Variants in MINK1 observed in about 807,000 individuals in gnomAD.
MINK1 encodes misshapen-like kinase 1.
A neutral mutation model predicts 178.4 loss-of-function variants in MINK1; 46 were observed. The observed-to-expected ratio is 0.26, with a 90% CI of 0.20 to 0.33. The LOEUF is 0.33. Among genes scored for constraint, MINK1 ranks in the 10% least tolerant of loss-of-function variants. The probability of loss-of-function intolerance (pLI) is 1.00; values close to 1 mark genes in which losing one functional copy is unlikely to be tolerated. For synonymous variants in MINK1, 797 were observed against 709.7 expected, an observed-to-expected ratio of 1.12 and a Z score of -1.96; for missense variants, 1,366 against 1,814.9, an observed-to-expected ratio of 0.75 and a Z score of 4.49.
At chr17:4,865,513 C>G (rs1256289679) in intron 1 of MINK1, among the ~76,000 whole-genome samples, 1 of 151,826 alleles carries the variant, frequency 6.6e-6, no homozygotes. Flanking sequence ...TTTTCTTCCC[C>G]TTTTTCTCAT....
chr17:4,894,376 TGCTGGGTAACGGCAGAGGATGGG>T lies in MINK1; in HGVS notation c.2808+68_2808+90del. The T allele has an allele frequency of 6.4e-7, 1 of 1,572,090 alleles. No individual in the cohort carries two copies. Among genetic ancestry groups the T allele is most frequent in the Non-Finnish European group, 8.6e-7 (1 of 1,159,734 alleles). On this transcript the variant is annotated intron_variant, in intron 23 of 31. Transcript: ENST00000355280. This position sits in a 1 kb window ranked among gnomAD's most constrained non-coding sequence, Gnocchi z 4.1. Reference sequence around the variant, plus strand: ...CCTGGCGATGGGCAGGAGGTCCCGGTGCTGGGTAACGGCAGAGGATGGGGCGGAGCGCTGGGAGCTGGACAGCG... The same window carrying T: ...CCTGGCGATGGGCAGGAGGTCCCGGTGCGGAGCGCTGGGAGCTGGACAGCG...
intron 1 of MINK1, among the ~76,000 whole-genome samples, chr17:4,844,419 T>A (rs917790155): frequency 3.3e-5 from 5 of 152,126 alleles, no homozygotes; most frequent in Non-Finnish European, 7.3e-5. Flanking sequence ...TTGGAGACTT[T>A]TGGAATATGG....
At chr17:4,863,160 A>T (rs11658765) in intron 1 of MINK1, among the ~76,000 whole-genome samples, 1 of 152,096 alleles carries the variant, frequency 6.6e-6, no homozygotes, top group African/African-American at 2.4e-5. Flanking sequence ...CTTGGAACTG[A>T]AACCATAGGG....
At position 4,885,586 on chromosome 17, in the gene MINK1, G is replaced by T; in HGVS notation, c.612G>T (p.Glu204Asp). The part of the protein sequence containing the change: ...WMAPEVIACD[E>D]NPDATYDYRS... ...CTCCAGAGGTCATCGCCTGTGATGA[G>T]AACCCTGATGCCACCTATGATTACA... Residue 204 changes from glutamate to aspartate, a missense_variant, in exon 7 of 32, where the codon GAG (glutamate) becomes GAT (aspartate). Around this residue, in one of 14 missense-constraint regions of MINK1, gnomAD observed 109 missense variants for 369.4 expected, o/e 0.30. Coordinates refer to ENST00000355280, the MANE Select transcript of MINK1 (RefSeq NM_153827.5). The surrounding 1 kb of genome is among the most constrained non-coding windows in gnomAD (Gnocchi z 5.0). 3 of 1,613,996 alleles carry T rather than the reference G, an allele frequency of 1.9e-6. No individual in the cohort carries two copies. The highest frequency in any genetic ancestry group is 2.5e-6 in the Non-Finnish European group (3 of 1,179,888).
chr17:4,837,521 G>T (rs1167256965), intron 1 of MINK1, among the ~76,000 whole-genome samples: 2 of 152,226 alleles, frequency 1.3e-5, no homozygotes, highest in African/African-American at 4.8e-5. Flanking sequence ...CGATGCCCTT[G>T]AAGTAAAGTT....
chr17:4,884,531 C>T lies in MINK1; in HGVS notation c.417+58C>T, dbSNP rs1450474209. Reference sequence around the variant, plus strand: ...TCCGCTACCCTGGCTGGAGTTTCTCCATGAGCAAAGATCCTCCCTGCGCTG... The same window carrying T: ...TCCGCTACCCTGGCTGGAGTTTCTCTATGAGCAAAGATCCTCCCTGCGCTG... On this transcript the variant is annotated intron_variant, in intron 5 of 31. Transcript: ENST00000355280. The T allele has an allele frequency of 4.5e-6, 6 of 1,324,804 alleles. No homozygotes were observed. The African/African-American group carries it at 7.2e-5, about 16-fold the overall frequency. 82.1% of individuals were successfully genotyped at this position (1,324,804 alleles called of 1,614,324 possible).
chr17:4,884,239 C>G, intron 4 of MINK1, 124 bp from the exon 5 acceptor site: 1 of 707,050 alleles, frequency 1.4e-6, no homozygotes, highest in East Asian at 2.7e-5. Flanking sequence ...TGCTCTCTAG[C>G]TCATACCAGT....
At chr17:4,872,950 CAT>C (rs1006118110) in intron 1 of MINK1, among the ~76,000 whole-genome samples, 2 of 152,208 alleles carry the variant, frequency 1.3e-5, no homozygotes, top group African/African-American at 2.4e-5. Context: ...GTGCTGCCCT[CAT>C]TTCCTCAGCA....
At position 4,894,079 on chromosome 17, in the gene MINK1, A is replaced by T. The variant is rs1046851822; in HGVS notation, c.2656A>T (p.Met886Leu). Residue 886 changes from methionine to leucine, a missense_variant, in exon 22 of 32, where the codon ATG becomes TTG. Physicochemically the swap from Met to Leu is conservative, Grantham distance 15. Coordinates refer to ENST00000355280, the MANE Select transcript of MINK1 (RefSeq NM_153827.5). The surrounding 1 kb of genome is among the most constrained non-coding windows in gnomAD (Gnocchi z 4.1). Reference sequence around the variant, plus strand: ...CCAGCCCCCATACGGGGGCGGCACCATGGTGGTCCAGCGCGTGAGTGAGCC... The same window carrying T: ...CCAGCCCCCATACGGGGGCGGCACCTTGGTGGTCCAGCGCGTGAGTGAGCC... ...GTQPPYGGGT[M>L]VVQRTPEEER... is the part of the protein sequence containing the mutation. 7.5e-6 allele frequency: 12 copies of T among 1,589,492 alleles called. No homozygotes were observed. Among genetic ancestry groups the T allele is most frequent in the Non-Finnish European group, 8.6e-6 (10 of 1,166,390 alleles).
intron 2 of MINK1, among the ~76,000 whole-genome samples, chr17:4,878,704 G>A (rs998623638): frequency 3.5e-4 from 53 of 152,332 alleles, no homozygotes; most frequent in African/African-American, 1.3e-3. Flanking sequence ...TTCAGAGAGA[G>A]CTAAGGCCAG....
intron 1 of MINK1, among the ~76,000 whole-genome samples, chr17:4,864,020 C>T (rs1914569080): frequency 6.6e-6 from 1 of 151,940 alleles, no homozygotes; most frequent in African/African-American, 2.4e-5. Context: ...AACTTCTGAC[C>T]TCAAATGATC....
rs1914019344 is a variant in MINK1 at position 4,860,668 on chromosome 17, A to T, written c.58-17649A>T. ...TCCTCCAGGTAGGAGCTGTGGGAGG[A>T]GTCCAGGGAGTCCCTTGAGGCTGAG... On this transcript the variant is annotated intron_variant, in intron 1 of 31. Transcript: ENST00000355280. The T allele has an allele frequency of 7.8e-6, 4 of 515,468 alleles. No individual in the cohort carries two copies. The Admixed American group carries it at 7.9e-5, about 10-fold the overall frequency. 31.9% of individuals were successfully genotyped at this position (515,468 alleles called of 1,614,324 possible). A position where few individuals can be genotyped will look rare whatever the true frequency, so the allele number is the denominator to read the frequency against.
chr17:4,894,595 A>C lies in MINK1; in HGVS notation c.2879A>C (p.Tyr960Ser). 6.2e-7 allele frequency: 1 copy of C among 1,608,864 alleles called. No homozygotes were observed. Among genetic ancestry groups the C allele is most frequent in the South Asian group, 1.1e-5 (1 of 89,866 alleles). The change falls in exon 24 of 32, where the codon TAC becomes TCC. Residue 960 changes from tyrosine (Y) to serine (S), a missense_variant. By Grantham distance (144) the Tyr-to-Ser change is moderately radical (BLOSUM62 -2). Around this residue, in one of 14 missense-constraint regions of MINK1, gnomAD observed 709 missense variants for 692.3 expected, o/e 1.02. Coordinates refer to ENST00000355280, the MANE Select transcript of MINK1 (RefSeq NM_153827.5). This position sits in a 1 kb window ranked among gnomAD's most constrained non-coding sequence, Gnocchi z 4.1. Reference protein sequence around the residue: ...SFTMFVDLGIYQPGGSGDSIP... With the variant: ...SFTMFVDLGISQPGGSGDSIP... ...ACGATGTTTGTGGATCTAGGGATCTACCAGCCTGGAGGCAGTGGGGACAGC... is the reference window on the plus strand; with the variant it reads ...ACGATGTTTGTGGATCTAGGGATCTCCCAGCCTGGAGGCAGTGGGGACAGC...
intron 1 of MINK1, among the ~76,000 whole-genome samples, chr17:4,837,742 ACCAT>A (rs1909527451): frequency 6.6e-6 from 1 of 152,166 alleles, no homozygotes; most frequent in South Asian, 2.1e-4. Flanking sequence ...GCTTCTTTTT[ACCAT>A]CCAGCTCGAA....
chr17:4,868,056 A>T (rs180923375), intron 1 of MINK1, among the ~76,000 whole-genome samples: 1 of 151,060 alleles, frequency 6.6e-6, no homozygotes, highest in East Asian at 2.0e-4. Context: ...GGCTCACTGC[A>T]ACCTCCACCT....
Position 4,886,742 on chromosome 17 carries a change from C to T in MINK1, c.949+116C>T. 8.4e-7 allele frequency: 1 copy of T among 1,196,476 alleles called. No individual in the cohort carries two copies. Among genetic ancestry groups the T allele is most frequent in the Non-Finnish European group, 1.1e-6 (1 of 881,600 alleles). 74.1% of individuals were successfully genotyped at this position (1,196,476 alleles called of 1,614,324 possible). A position where few individuals can be genotyped will look rare whatever the true frequency, so the allele number is the denominator to read the frequency against. On this transcript the variant is annotated intron_variant, in intron 10 of 31. Coordinates refer to ENST00000355280, the MANE Select transcript of MINK1 (RefSeq NM_153827.5). This position sits in a 1 kb window ranked among gnomAD's most constrained non-coding sequence, Gnocchi z 6.1. ...TGCTCCCCTCCTTGGCCCCAGCTCTCCCTGTCCAAGGAGATCGTTCTCAAA... is the reference window on the plus strand; with the variant it reads ...TGCTCCCCTCCTTGGCCCCAGCTCTTCCTGTCCAAGGAGATCGTTCTCAAA...
At chr17:4,851,019 A>T (rs1911865753) in intron 1 of MINK1, 1 of 458,728 alleles carries the variant, frequency 2.2e-6, no homozygotes, top group South Asian at 1.6e-5. Context: ...CCGAGGCCAC[A>T]GATCTGGTTT....
At chr17:4,879,667 T>C (rs1214436488) in intron 2 of MINK1, among the ~76,000 whole-genome samples, 1 of 152,206 alleles carries the variant, frequency 6.6e-6, no homozygotes, top group African/African-American at 2.4e-5. Flanking sequence ...CTCCAAGCCT[T>C]AGATGCTCCC....
At chr17:4,890,833 A>T in intron 14 of MINK1, 98 bp downstream of exon 14, 1 of 1,513,018 alleles carries the variant, frequency 6.6e-7, no homozygotes. Context: ...GGCACCAAGT[A>T]GGGGAAAGGA....
Sources: gnomAD v4.1 joint callset for allele counts (sites outside exome capture counted in the v4.1 genomes callset) on GRCh38, gnomAD v4.1.1 for gene constraint, gnomAD v4.1.1 regional missense constraint, Gnocchi (gnomAD v3.1) non-coding constraint, MANE v1.5 for transcripts, NCBI Gene and HGNC (gene_info 2026-07-23, HGNC 2026-07-21) for gene names.